SLC34A2: variants seen among roughly 807,000 people sequenced by gnomAD.
The protein encoded by SLC34A2 is sodium-dependent phosphate transport protein 2B.
A neutral mutation model predicts 50.8 loss-of-function variants in SLC34A2; 41 were observed. The observed-to-expected ratio is 0.81, with a 90% CI of 0.63 to 1.05. The LOEUF (loss-of-function observed/expected upper bound fraction) is 1.05. Among genes scored for constraint, SLC34A2 ranks in the 50% least tolerant of loss-of-function variants. The pLI is 0.00. For missense variants in SLC34A2, 879 were observed against 876.7 expected (o/e 1.00, Z -0.03); for synonymous variants, 401 against 364.2 (o/e 1.10, Z -1.15).
chr4:25,674,255 TC>T (rs772227596), intron 10 of SLC34A2, 40 bp from the exon 11 acceptor site: 1 of 1,532,244 alleles, frequency 6.5e-7, no homozygotes, highest in Non-Finnish European at 9.0e-7. Flanking sequence ...GGCCATACCT[TC>T]CCCGGAGAGG....
intron 3 of SLC34A2, 39 bp downstream of exon 3, chr4:25,662,881 T>G (rs750275425): frequency 7.5e-6 from 12 of 1,610,562 alleles, no homozygotes; most frequent in Non-Finnish European, 1.0e-5. Flanking sequence ...GGAGGGAAAC[T>G]TCCTGTGGTT....
At chr4:25,658,615 G>A (rs1451990588) in intron 1 of SLC34A2, among the ~76,000 whole-genome samples, 1 of 152,190 alleles carries the variant, frequency 6.6e-6, no homozygotes, top group African/African-American at 2.4e-5. Context: ...TGCCCATGTG[G>A]TGCAGGAAGT....
At chr4:25,671,540 A>G (rs987247082) in intron 8 of SLC34A2, 61 bp from the exon 9 acceptor site, 30 of 1,594,378 alleles carry the variant, frequency 1.9e-5, no homozygotes, top group Non-Finnish European at 1.7e-5. Context: ...CACCCCCGCC[A>G]TTGCCTCCCA....
rs755925395 is a variant in SLC34A2, at chr4:25,676,296, C to A, written c.1620C>A (p.Ile540=). 1 of 1,614,088 alleles carries A rather than the reference C, an allele frequency of 6.2e-7. No individual in the cohort carries two copies. Among genetic ancestry groups the A allele is most frequent in the Non-Finnish European group, 8.5e-7 (1 of 1,180,052 alleles). ...VFYLIIFFFL[I]PLTVFGLSLA... ...ACCTGATCATCTTCTTCTTCCTGATCCCGCTGACGGTGTTTGGCCTCTCGC... is the reference window on the plus strand; with the variant it reads ...ACCTGATCATCTTCTTCTTCCTGATACCGCTGACGGTGTTTGGCCTCTCGC... Residue 540 remains isoleucine (I), a synonymous_variant, in exon 13 of 13, where the codon ATC becomes ATA. Transcript: ENST00000382051.
chr4:25,660,697 C>T (rs1714132893), intron 1 of SLC34A2, among the ~76,000 whole-genome samples: 1 of 152,124 alleles, frequency 6.6e-6, no homozygotes, highest in South Asian at 2.1e-4. Flanking sequence ...AGGTGCATGC[C>T]ACCACGCCTG....
At chr4:25,657,735 C>T (rs180724880) in intron 1 of SLC34A2, among the ~76,000 whole-genome samples, 229 of 152,274 alleles carry the variant, frequency 1.5e-3, no homozygotes, top group African/African-American at 5.1e-3. Flanking sequence ...TCATCACTAC[C>T]ACCATTGTGT....
At chr4:25,665,972 G>A (rs1237157106) in intron 4 of SLC34A2, among the ~76,000 whole-genome samples, 156 bp from the exon 5 acceptor site, 2 of 152,156 alleles carry the variant, frequency 1.3e-5, no homozygotes, top group African/African-American at 4.8e-5. Flanking sequence ...AGAGGCATGG[G>A]GAAGCAAGAT....
At chr4:25,674,879 T>C (rs1432541546) in intron 12 of SLC34A2, among the ~76,000 whole-genome samples, 4 of 152,146 alleles carry the variant, frequency 2.6e-5, no homozygotes, top group African/African-American at 9.7e-5. Context: ...GGCCCCTTGA[T>C]ATAGATGTGG....
intron 1 of SLC34A2, among the ~76,000 whole-genome samples, chr4:25,658,939 C>T (rs975802569): frequency 6.7e-6 from 1 of 149,862 alleles, no homozygotes; most frequent in African/African-American, 2.5e-5. Context: ...ACCCTCCCCT[C>T]CTGCTCATCC....
At chr4:25,676,088 C>A (rs76058904) in intron 12 of SLC34A2, 47 bp from the exon 13 acceptor site, 6 of 1,610,166 alleles carry the variant, frequency 3.7e-6, no homozygotes, top group Non-Finnish European at 5.1e-6. Flanking sequence ...TACTGCCACC[C>A]GCATTGGGCA....
chr4:25,673,450 T>G (rs936334497), intron 10 of SLC34A2, among the ~76,000 whole-genome samples, 196 bp downstream of exon 10: 1 of 152,132 alleles, frequency 6.6e-6, no homozygotes, highest in African/African-American at 2.4e-5. Context: ...AGGCCCAAGT[T>G]TCCATTGCAT....
At chr4:25,657,254 A>G (rs547423017) in intron 1 of SLC34A2, among the ~76,000 whole-genome samples, 1 of 152,290 alleles carries the variant, frequency 6.6e-6, no homozygotes, top group African/African-American at 2.4e-5. Flanking sequence ...ATTCAATGCA[A>G]TGAGGAAAAC....
chr4:25,661,661 T>A (rs952326904), intron 1 of SLC34A2, among the ~76,000 whole-genome samples: 1 of 152,162 alleles, frequency 6.6e-6, no homozygotes, highest in Non-Finnish European at 1.5e-5. Flanking sequence ...GTGTTGGAGT[T>A]ACAGGCCTGA....
intron 8 of SLC34A2, 64 bp from the exon 9 acceptor site, chr4:25,671,537 G>C: frequency 3.2e-4 from 457 of 1,449,606 alleles, no homozygotes; most frequent in Non-Finnish European, 4.0e-4. Flanking sequence ...TCCCACCCCC[G>C]CCATTGCCTC....
chr4:25,662,926 T>C (rs1467279295), intron 3 of SLC34A2, 84 bp downstream of exon 3: 1 of 1,512,022 alleles, frequency 6.6e-7, no homozygotes, highest in Non-Finnish European at 9.1e-7. Flanking sequence ...CTCCCCCTTT[T>C]CATTGTTCTG....
chr4:25,674,232 C>T, intron 10 of SLC34A2, 64 bp from the exon 11 acceptor site: 1 of 1,272,574 alleles, frequency 7.9e-7, no homozygotes, highest in Admixed American at 1.7e-5. Context: ...CCAGCCCCTA[C>T]CCCAGGCCAC....
At chr4:25,668,670 G>C (rs1681042459) in intron 6 of SLC34A2, among the ~76,000 whole-genome samples, 1 of 150,774 alleles carries the variant, frequency 6.6e-6, no homozygotes, top group Non-Finnish European at 1.5e-5. Flanking sequence ...AATAAATACT[G>C]TTTTGTTTGG....
intron 4 of SLC34A2, among the ~76,000 whole-genome samples, chr4:25,664,611 A>G (rs1432806238): frequency 1.3e-5 from 2 of 152,258 alleles, no homozygotes; most frequent in Non-Finnish European, 2.9e-5. Flanking sequence ...AACCCCAGGC[A>G]GGAAGTTGTC....
intron 12 of SLC34A2, among the ~76,000 whole-genome samples, chr4:25,675,153 TC>T (rs1715046295): frequency 6.6e-6 from 1 of 152,212 alleles, no homozygotes; most frequent in Admixed American, 6.5e-5. Context: ...TGCCTCAGCC[TC>T]CCGAGCAGCT....
Sources: gnomAD v4.1 joint callset for allele counts (sites outside exome capture counted in the v4.1 genomes callset) on GRCh38, gnomAD v4.1.1 for gene constraint, MANE v1.5 for transcripts, NCBI Gene and HGNC (gene_info 2026-07-23, HGNC 2026-07-21) for gene names.